Variants in OPRM1 observed in about 807,000 individuals in gnomAD.
The protein encoded by OPRM1 is mu-type opioid receptor.
In OPRM1, 27 loss-of-function variants were observed where a neutral mutation model predicts 31.8. That is an observed-to-expected ratio of 0.85 (90% CI 0.63 to 1.17). OPRM1 has a LOEUF of 1.17. OPRM1 is among the 50% of genes most tolerant of loss of function. The pLI is 0.00. For missense variants in OPRM1, 536 were observed against 511.1 expected (o/e 1.05, Z -0.47); for synonymous variants, 196 against 189.9 (o/e 1.03, Z -0.26).
chr6:154,025,268 T>C (rs1778629385), intron 1 of OPRM1, among the ~76,000 whole-genome samples: 1 of 152,092 alleles, frequency 6.6e-6, no homozygotes, highest in South Asian at 2.1e-4. Context: ...TATCATTATA[T>C]AGTAACCTTC....
intron 3 of OPRM1, among the ~76,000 whole-genome samples, chr6:154,196,415 T>C (rs1776629663): frequency 6.6e-6 from 1 of 152,104 alleles, no homozygotes; most frequent in Non-Finnish European, 1.5e-5. Flanking sequence ...TTAACAATGT[T>C]TTATTTTTTT....
chr6:154,058,461 T>A (rs1783761260), intron 1 of OPRM1, among the ~76,000 whole-genome samples: 1 of 152,214 alleles, frequency 6.6e-6, no homozygotes, highest in African/African-American at 2.4e-5. Flanking sequence ...CAGTTGTGTT[T>A]TCAGAACAAT....
chr6:154,092,165 C>G (rs1471532135), intron 3 of OPRM1, among the ~76,000 whole-genome samples: 1 of 151,982 alleles, frequency 6.6e-6, no homozygotes, highest in Non-Finnish European at 1.5e-5. Flanking sequence ...TAGCGACTAG[C>G]TTTTGGAAGG....
intron 3 of OPRM1, among the ~76,000 whole-genome samples, chr6:154,231,093 A>G (rs1209965495): frequency 1.3e-5 from 2 of 152,224 alleles, no homozygotes; most frequent in African/African-American, 2.4e-5. Context: ...GATGAGGTCT[A>G]AACTCTGAGC....
At chr6:154,011,090 G>C in intron 1 of OPRM1, 1 of 1,242,132 alleles carries the variant, frequency 8.1e-7, no homozygotes, top group Non-Finnish European at 1.1e-6. Context: ...AGGAGTAAGG[G>C]CTGCTTGACA....
chr6:154,110,835 A>C (rs964486819), intron 3 of OPRM1, among the ~76,000 whole-genome samples: 20 of 141,918 alleles, frequency 1.4e-4, no homozygotes, highest in East Asian at 7.0e-4. Context: ...TGCAGTGAGC[A>C]GAGATCGCGC....
intron 1 of OPRM1, among the ~76,000 whole-genome samples, chr6:154,068,273 T>A (rs1366844941): frequency 6.6e-6 from 1 of 152,158 alleles, no homozygotes; most frequent in African/African-American, 2.4e-5. Context: ...CATATTTCAA[T>A]ATTAACTATA....
At chr6:154,038,827 A>T (rs1779482371), upstream of OPRM1, among the ~76,000 whole-genome samples, 1 of 152,212 alleles carries the variant, frequency 6.6e-6, no homozygotes. Flanking sequence ...CAGAAAATAA[A>T]GGATCGCTGT....
At chr6:154,223,715 C>T (rs1383075313) in intron 3 of OPRM1, among the ~76,000 whole-genome samples, 1 of 152,190 alleles carries the variant, frequency 6.6e-6, no homozygotes, top group African/African-American at 2.4e-5. Flanking sequence ...CATGGATTGA[C>T]CACTTACTGG....
At chr6:154,137,422 C>T (rs1475735871) in intron 3 of OPRM1, among the ~76,000 whole-genome samples, 1 of 152,086 alleles carries the variant, frequency 6.6e-6, no homozygotes, top group Non-Finnish European at 1.5e-5. Flanking sequence ...TTTATGTACT[C>T]AGTTATTGAT....
rs537254478 is a variant in OPRM1, at chr6:154,152,970, T to C, written c.1164+61498T>C. Reference sequence around the variant, plus strand: ...ACCAGTCTGGTCTCAAACTCTTGGCTTCAAGCAATCCTCCCGCCTCAGCCT... The same window carrying C: ...ACCAGTCTGGTCTCAAACTCTTGGCCTCAAGCAATCCTCCCGCCTCAGCCT... On this transcript the variant is annotated intron_variant, in intron 3 of 3. Transcript: ENST00000337049. Among the ~76,000 whole-genome samples the C allele has an allele frequency of 1.3e-4, 20 of 151,798 alleles. No homozygotes were observed. In the South Asian group the frequency reaches 3.5e-3, roughly 27 times the overall value.
intron 3 of OPRM1, among the ~76,000 whole-genome samples, chr6:154,170,937 C>A (rs766262753): frequency 2.0e-5 from 3 of 152,170 alleles, no homozygotes; most frequent in Non-Finnish European, 4.4e-5. Flanking sequence ...GTGGCATGAT[C>A]ATAGCTCATT....
chr6:154,152,747 T>C (rs1423323956), intron 3 of OPRM1, among the ~76,000 whole-genome samples: 1 of 152,204 alleles, frequency 6.6e-6, no homozygotes, highest in Non-Finnish European at 1.5e-5. Flanking sequence ...ATTTTATTTT[T>C]GAGACCAGGT....
At chr6:154,231,422 A>G (rs1779707785) in intron 3 of OPRM1, among the ~76,000 whole-genome samples, 1 of 152,222 alleles carries the variant, frequency 6.6e-6, no homozygotes, top group Non-Finnish European at 1.5e-5. Flanking sequence ...TACCTTGGAG[A>G]ATATGTGGAA....
At position 154,131,942 on chromosome 6, in the gene OPRM1, G is replaced by GTT. The variant is rs11301836; in HGVS notation, c.*13235_*13236dup. 8.2e-4 allele frequency among the ~76,000 whole-genome samples: 112 copies of GTT among 137,318 alleles called. No homozygotes were observed. Among genetic ancestry groups the GTT allele is most frequent in the African/African-American group, 2.7e-3 (102 of 37,706 alleles). 90.1% of individuals were successfully genotyped at this position (137,318 alleles called of 152,430 possible). A position where few individuals can be genotyped will look rare whatever the true frequency, so the allele number is the denominator to read the frequency against. On this transcript the variant is annotated 3_prime_UTR_variant, in exon 4 of 4. Coordinates refer to ENST00000330432, the MANE Select transcript of OPRM1 (RefSeq NM_000914.5). ...CTGGGAGTTTTTCTATAAGTTTTTGGTTTTTTTTTTTTTTTCTCTTCATTA... is the reference window on the plus strand; with the variant it reads ...CTGGGAGTTTTTCTATAAGTTTTTGGTTTTTTTTTTTTTTTTTCTCTTCATTA...
intron 3 of OPRM1, among the ~76,000 whole-genome samples, chr6:154,179,037 G>C (rs1320373785): frequency 1.3e-5 from 2 of 152,226 alleles, no homozygotes; most frequent in Non-Finnish European, 2.9e-5. Flanking sequence ...CTGTGCCCCA[G>C]GTCCACGACC....
rs1440109703 is a variant in OPRM1, at chr6:154,121,865, G to A, written c.*3144G>A. Among the ~76,000 whole-genome samples, 1 of 152,134 alleles carries A rather than the reference G, an allele frequency of 6.6e-6. No individual in the cohort carries two copies. Among genetic ancestry groups the A allele is most frequent in the Non-Finnish European group, 1.5e-5 (1 of 68,000 alleles). The stretch of plus-strand genomic sequence containing the variant: ...TTATACGTTTAAAAGCTAAAAACAA[G>A]ATCTTTTTGGTAATGCTTCAATTAA... On this transcript the variant is annotated 3_prime_UTR_variant, in exon 4 of 4. Transcript: ENST00000330432.
rs1797337125 is a variant in OPRM1 at position 154,122,107 on chromosome 6, A to G, written c.*3386A>G. Among the ~76,000 whole-genome samples the G allele has an allele frequency of 6.6e-6, 1 of 152,184 alleles. No individual in the cohort carries two copies. The highest frequency in any genetic ancestry group is 2.4e-5 in the African/African-American group (1 of 41,448). On this transcript the variant is annotated 3_prime_UTR_variant, in exon 4 of 4. Transcript: ENST00000330432. ...TAGAGGGTTCTAGCCAAAGCAACCTAAGAATAGGACATGGTAGCTTAAGTT... is the reference window on the plus strand; with the variant it reads ...TAGAGGGTTCTAGCCAAAGCAACCTGAGAATAGGACATGGTAGCTTAAGTT...
chr6:154,110,740 T>G (rs1009386484), intron 3 of OPRM1, among the ~76,000 whole-genome samples: 1 of 151,800 alleles, frequency 6.6e-6, no homozygotes, highest in African/African-American at 2.4e-5. Flanking sequence ...TTCAAAAACT[T>G]AGCAGGCGTG....
Sources: gnomAD v4.1 joint callset for allele counts (sites outside exome capture counted in the v4.1 genomes callset) on GRCh38, gnomAD v4.1.1 for gene constraint, MANE v1.5 for transcripts, NCBI Gene and HGNC (gene_info 2026-07-23, HGNC 2026-07-21) for gene names.